The following STX18 variants were observed in gnomAD, a reference collection of about 807,000 sequenced individuals.
STX18 encodes the protein syntaxin 18, also known as syntaxin-18.
Under a neutral mutation model 50.1 loss-of-function variants are expected in STX18, and 40 were observed. The ratio of observed to expected loss-of-function variants is 0.80; its 90% CI spans 0.62 to 1.04. The LOEUF (loss-of-function observed/expected upper bound fraction) is 1.04, where lower values mean the gene tolerates loss of function less well. Ranked by LOEUF, STX18 falls within the 50% of genes least tolerant of loss-of-function variation. The pLI, the probability that STX18 is intolerant of heterozygous loss-of-function variation, is 0.00. For synonymous variants in STX18, 158 were observed against 151.8 expected (o/e 1.04, Z -0.30); for missense variants, 410 against 415.8 (o/e 0.99, Z 0.12).
In STX18 at chr4:4,449,074, T is replaced by A. The variant is rs578083547; in HGVS notation, c.497+8117A>T. Among the ~76,000 whole-genome samples, 15 of 142,944 alleles carry A rather than the reference T, an allele frequency of 1.0e-4. No individual in the cohort carries two copies. The South Asian group carries it at 3.4e-3, about 32-fold the overall frequency. The allele number at this position is 142,944 out of a possible 152,430, so 93.8% of individuals were successfully genotyped here. ...TTTTTTTTTTTTTTTTGAGATAAGG[T>A]CTCACTCTGTTGTCCAGGCTAGAGT... On this transcript the variant is annotated intron_variant, in intron 5 of 10. Transcript: ENST00000306200.
chr4:4,498,049 T>TA (rs750814744), intron 1 of STX18, among the ~76,000 whole-genome samples: 3 of 152,194 alleles, frequency 2.0e-5, no homozygotes, highest in Non-Finnish European at 2.9e-5. Context: ...TCCTTCGTAC[T>TA]AAAAACAGTC....
intron 6 of STX18, among the ~76,000 whole-genome samples, chr4:4,435,276 A>C (rs1433610196): frequency 6.6e-6 from 1 of 152,168 alleles, no homozygotes; most frequent in Non-Finnish European, 1.5e-5. Context: ...ATACATATGC[A>C]TATATACATA....
chr4:4,499,644 T>A (rs1729342395), intron 1 of STX18: 1 of 504,954 alleles, frequency 2.0e-6, no homozygotes, highest in Non-Finnish European at 2.6e-6. Flanking sequence ...TCATTAAACC[T>A]GAACCAGGTG....
chr4:4,475,714 G>A (rs757041282), intron 1 of STX18, among the ~76,000 whole-genome samples: 6 of 152,188 alleles, frequency 3.9e-5, no homozygotes, highest in South Asian at 2.1e-4. Flanking sequence ...ATATTATAGC[G>A]CATACAATTC....
intron 7 of STX18, 181 bp from the exon 8 acceptor site, chr4:4,425,403 G>T (rs903703107): frequency 8.1e-6 from 5 of 617,584 alleles, no homozygotes; most frequent in Non-Finnish European, 1.4e-5. Flanking sequence ...GCTTTCAGGA[G>T]AAAGTTTTAA....
intron 5 of STX18, among the ~76,000 whole-genome samples, chr4:4,456,294 T>C (rs1433487179): frequency 6.6e-6 from 1 of 151,574 alleles, no homozygotes; most frequent in Non-Finnish European, 1.5e-5. Context: ...AAAAAGAAAA[T>C]GTGTCCCCAA....
chr4:4,450,537 C>A (rs1173570701), intron 5 of STX18, among the ~76,000 whole-genome samples: 1 of 152,206 alleles, frequency 6.6e-6, no homozygotes, highest in African/African-American at 2.4e-5. Context: ...CTCCCGGCCT[C>A]AAGCAATCCA....
chr4:4,436,479 A>AT, intron 6 of STX18, among the ~76,000 whole-genome samples: 1 of 137,166 alleles, frequency 7.3e-6, no homozygotes, highest in East Asian at 2.1e-4. Context: ...ACTGTTGTTG[A>AT]TTTCTTTTTT....
chr4:4,467,492 G>A lies in STX18; in HGVS notation c.236+4147C>T, dbSNP rs969778560. Among the ~76,000 whole-genome samples, 3 of 152,160 alleles carry A rather than the reference G, an allele frequency of 2.0e-5. No individual in the cohort carries two copies. The East Asian group carries it at 5.8e-4, about 29-fold the overall frequency. On this transcript the variant is annotated intron_variant, in intron 2 of 10. Transcript: ENST00000306200. Reference sequence around the variant, plus strand: ...CATACTGGTGAGAGAGGAAGCCACAGTAGGTGGTAAGAATGTGTGGTGGGC... The same window carrying A: ...CATACTGGTGAGAGAGGAAGCCACAATAGGTGGTAAGAATGTGTGGTGGGC...
At chr4:4,439,137 AT>A (rs1309079467) in intron 5 of STX18, among the ~76,000 whole-genome samples, 1 of 118,708 alleles carries the variant, frequency 8.4e-6, no homozygotes, top group Admixed American at 9.2e-5. Context: ...CACAATATAT[AT>A]ACCACATATA....
At chr4:4,526,832 G>T (rs1003797155) in intron 1 of STX18, among the ~76,000 whole-genome samples, 1 of 151,986 alleles carries the variant, frequency 6.6e-6, no homozygotes, top group African/African-American at 2.4e-5. Flanking sequence ...ATAAAAAAAG[G>T]CTTCAAAGAT....
At chr4:4,421,697 TC>T (rs753990835) in intron 9 of STX18, among the ~76,000 whole-genome samples, 7 of 152,248 alleles carry the variant, frequency 4.6e-5, no homozygotes, top group Non-Finnish European at 1.0e-4. Context: ...GTCTCTCATT[TC>T]TTTCTGAAGT....
chr4:4,503,935 C>T (rs558488635), intron 1 of STX18, among the ~76,000 whole-genome samples: 42 of 151,940 alleles, frequency 2.8e-4, no homozygotes, highest in Admixed American at 1.6e-3. Flanking sequence ...TTTAAACTTA[C>T]GATAAAGAAT....
chr4:4,468,529 C>T (rs922844331), intron 2 of STX18, among the ~76,000 whole-genome samples: 1 of 152,106 alleles, frequency 6.6e-6, no homozygotes, highest in Non-Finnish European at 1.5e-5. Flanking sequence ...GAAATAAAGT[C>T]ACCTTCCTTT....
intron 1 of STX18, chr4:4,481,663 T>C (rs547563179): frequency 6.6e-6 from 1 of 152,324 alleles, no homozygotes; most frequent in South Asian, 2.1e-4. Flanking sequence ...TCACTCTTAA[T>C]TGAAAAATGC....
At chr4:4,498,228 T>G (rs1055720675) in intron 1 of STX18, among the ~76,000 whole-genome samples, 16 of 152,186 alleles carry the variant, frequency 1.1e-4, no homozygotes, top group Admixed American at 2.0e-4. Flanking sequence ...TTTTTTTCTT[T>G]TTAGATTTTT....
intron 7 of STX18, among the ~76,000 whole-genome samples, chr4:4,430,369 T>G (rs559687522): frequency 3.9e-5 from 6 of 152,258 alleles, no homozygotes; most frequent in Non-Finnish European, 7.3e-5. Flanking sequence ...TAAATAAGAT[T>G]TGAGTTAGTC....
At position 4,419,971 on chromosome 4, in the gene STX18, C is replaced by T. The variant is rs1724840432; in HGVS notation, c.*63G>A. 2.9e-6 allele frequency: 4 copies of T among 1,388,432 alleles called. No homozygotes were observed. The highest frequency in any genetic ancestry group is 2.5e-5 in the East Asian group (1 of 40,666). 86.0% of individuals were successfully genotyped at this position (1,388,432 alleles called of 1,614,324 possible). ...ATACCATGCTCCAGCACTGGAAGTA[C>T]ATGAAAGCACGCAGTCTGTGAGTGC... On this transcript the variant is annotated 3_prime_UTR_variant, in exon 11 of 11. Coordinates refer to ENST00000306200, the MANE Select transcript of STX18 (RefSeq NM_016930.4).
intron 2 of STX18, among the ~76,000 whole-genome samples, chr4:4,463,748 C>T (rs955271540): frequency 6.6e-6 from 1 of 152,126 alleles, no homozygotes; most frequent in Non-Finnish European, 1.5e-5. Flanking sequence ...CACATACACA[C>T]CTTTAGAAAT....
Sources: allele counts gnomAD v4.1 joint callset (sites outside exome capture counted in the v4.1 genomes callset), GRCh38; gene constraint gnomAD v4.1.1; transcripts MANE v1.5; gene names NCBI Gene and HGNC (gene_info 2026-07-23, HGNC 2026-07-21).